The following DOCK8 variants were observed in gnomAD, a reference collection of about 807,000 sequenced individuals.
The protein encoded by DOCK8 is dedicator of cytokinesis 8.
In DOCK8, 141 loss-of-function variants were observed where a neutral mutation model predicts 245.6. The observed-to-expected ratio is 0.57, with a 90% CI of 0.50 to 0.66. The LOEUF (loss-of-function observed/expected upper bound fraction) is 0.66. DOCK8 is among the 30% of genes least tolerant of loss of function. The pLI, the probability that DOCK8 is intolerant of heterozygous loss-of-function variation, is 0.00. For missense variants in DOCK8, 2,965 were observed against 2,603.4 expected (o/e 1.14, Z -3.02); for synonymous variants, 1,168 against 970.2 (o/e 1.20, Z -3.79).
intron 7 of DOCK8, among the ~76,000 whole-genome samples, chr9:317,820 T>C (rs1271115337): frequency 6.6e-6 from 1 of 152,224 alleles, no homozygotes. Flanking sequence ...TTTTTCTGCA[T>C]AATATACCGA....
chr9:461,527 ATTTTTTTTTT>A (rs530827485), intron 46 of DOCK8, among the ~76,000 whole-genome samples: 2 of 67,264 alleles, frequency 3.0e-5, no homozygotes, highest in African/African-American at 6.9e-5. Context: ...TAGCAACTGC[ATTTTTTTTTT>A]TTTTTTTTTT....
chr9:413,321 G>A (rs1405941533), intron 28 of DOCK8, among the ~76,000 whole-genome samples: 2 of 152,088 alleles, frequency 1.3e-5, no homozygotes, highest in African/African-American at 4.8e-5. Context: ...AAATTATAGA[G>A]GTAATCATCA....
intron 26 of DOCK8, among the ~76,000 whole-genome samples, chr9:401,527 A>G (rs114095798): frequency 0.013 from 1,935 of 152,268 alleles, 39 homozygotes; most frequent in African/African-American, 0.043. Context: ...CTATCTTATC[A>G]TTAGGAAACA....
intron 4 of DOCK8, among the ~76,000 whole-genome samples, chr9:302,165 G>A (rs1313497481): frequency 6.6e-6 from 1 of 152,140 alleles, no homozygotes; most frequent in Non-Finnish European, 1.5e-5. Context: ...TAGACCAATA[G>A]AACAAGATAA....
At chr9:215,707 G>T (rs1275282035) in intron 1 of DOCK8, 2 of 312,758 alleles carry the variant, frequency 6.4e-6, no homozygotes, top group East Asian at 5.7e-5. Flanking sequence ...AGGACTGGGG[G>T]ATCCCAACTC....
At chr9:400,133 T>A (rs372478046) in intron 26 of DOCK8, among the ~76,000 whole-genome samples, 9 of 29,088 alleles carry the variant, frequency 3.1e-4, no homozygotes, top group African/African-American at 1.9e-3. Flanking sequence ...ATCTTCACCA[T>A]CACCACCACC....
intron 2 of DOCK8, 71 bp downstream of exon 2, chr9:271,800 C>A: frequency 9.5e-7 from 1 of 1,047,726 alleles, no homozygotes; most frequent in Non-Finnish European, 1.4e-6. Context: ...TGTTTGCCTC[C>A]TGTTCCTTAG....
In DOCK8 at chr9:414,770, T is replaced by C. The variant is rs372589168; in HGVS notation, c.3531-12T>C. On this transcript the variant is annotated splice_polypyrimidine_tract_variant and intron_variant, in intron 28 of 47. Coordinates refer to ENST00000432829, the MANE Select transcript of DOCK8 (RefSeq NM_203447.4). ...TCACCATAACCTCTTGATTCCTGTG[T>C]TGTGCCAACAGAATCAGCAAAGTAC... 4.3e-6 allele frequency: 7 copies of C among 1,614,074 alleles called. No homozygotes were observed. The African/African-American group carries it at 6.7e-5, about 15-fold the overall frequency.
intron 4 of DOCK8, among the ~76,000 whole-genome samples, chr9:300,606 A>G (rs1389838012): frequency 6.6e-6 from 1 of 152,232 alleles, no homozygotes; most frequent in Non-Finnish European, 1.5e-5. Flanking sequence ...TAGATTAATA[A>G]AGAAAACAAG....
At chr9:281,807 T>C (rs2048599009) in intron 2 of DOCK8, among the ~76,000 whole-genome samples, 2 of 152,160 alleles carry the variant, frequency 1.3e-5, no homozygotes, top group Admixed American at 1.3e-4. Flanking sequence ...GTAGTTAGGG[T>C]CTCCACCCAC....
intron 1 of DOCK8, among the ~76,000 whole-genome samples, chr9:252,160 G>A (rs2047665795): frequency 6.6e-6 from 1 of 151,734 alleles, no homozygotes; most frequent in Non-Finnish European, 1.5e-5. Flanking sequence ...TTTTAACATA[G>A]ACGGGGGTCT....
intron 14 of DOCK8, among the ~76,000 whole-genome samples, chr9:352,503 G>T (rs1195618735): frequency 1.3e-5 from 2 of 152,066 alleles, no homozygotes; most frequent in African/African-American, 4.8e-5. Context: ...CTGCACTTTG[G>T]GAGGCCGAGG....
At chr9:239,728 C>A (rs927318280) in intron 1 of DOCK8, among the ~76,000 whole-genome samples, 3 of 152,112 alleles carry the variant, frequency 2.0e-5, no homozygotes, top group African/African-American at 7.2e-5. Context: ...ATCATTTTAA[C>A]AGCTTGATTG....
chr9:390,705 C>T (rs1435727325), intron 24 of DOCK8, 139 bp downstream of exon 24: 2 of 772,380 alleles, frequency 2.6e-6, no homozygotes, highest in African/African-American at 3.4e-5. Flanking sequence ...TCTCTCACCC[C>T]TCCCATCCTT....
intron 4 of DOCK8, among the ~76,000 whole-genome samples, chr9:294,751 TAAAC>T (rs1271534952): frequency 1.4e-4 from 22 of 152,180 alleles, no homozygotes. Context: ...GGGTAGTAGA[TAAAC>T]AAACTCTGGT....
At chr9:229,451 C>T (rs1440082553) in intron 1 of DOCK8, among the ~76,000 whole-genome samples, 2 of 152,160 alleles carry the variant, frequency 1.3e-5, no homozygotes, top group African/African-American at 4.8e-5. Flanking sequence ...TTGAGATGCT[C>T]TTAAATCCCA....
intron 14 of DOCK8, among the ~76,000 whole-genome samples, chr9:342,115 A>G (rs1181398164): frequency 6.6e-6 from 1 of 152,066 alleles, no homozygotes; most frequent in East Asian, 1.9e-4. Context: ...AGTGCACGAT[A>G]AATGGAATGT....
chr9:304,775 C>G, intron 5 of DOCK8, 71 bp downstream of exon 5: 1 of 1,605,492 alleles, frequency 6.2e-7, no homozygotes, highest in African/African-American at 1.3e-5. Flanking sequence ...GTCAGTTTTA[C>G]AAACTAGAAT....
chr9:332,445 C>G lies in DOCK8; in HGVS notation c.1092C>G (p.Pro364=), dbSNP rs756956152. The change falls in exon 10 of 48, where the codon CCC becomes CCG. Residue 364 remains proline, a synonymous_variant. Coordinates refer to ENST00000432829, the MANE Select transcript of DOCK8 (RefSeq NM_203447.4). The stretch of plus-strand genomic sequence containing the variant: ...GAGAGATTGGAGACTGTGCAGAGCC[C>G]TACACGGTTATCAAAGAAAGTGATG... ...QQGEIGDCAE[P]YTVIKESDGG... The G allele has an allele frequency of 1.9e-6, 3 of 1,613,272 alleles. No homozygotes were observed.
Sources: allele counts gnomAD v4.1 joint callset (sites outside exome capture counted in the v4.1 genomes callset), GRCh38; gene constraint gnomAD v4.1.1; transcripts MANE v1.5; gene names NCBI Gene and HGNC (gene_info 2026-07-23, HGNC 2026-07-21).